The following AFF2 variants were observed in gnomAD, a reference collection of about 807,000 sequenced individuals.
AFF2 encodes AF4/FMR2 family member 2.
Under a neutral mutation model 76.9 loss-of-function variants are expected in AFF2, and 14 were observed. The observed-to-expected ratio is 0.18, with a 90% confidence interval of 0.12 to 0.28. The LOEUF is 0.28. AFF2 is among the 10% of genes least tolerant of loss of function. The probability of loss-of-function intolerance (pLI) is 1.00; values close to 1 mark genes in which losing one functional copy is unlikely to be tolerated. For synonymous variants in AFF2, 398 were observed against 366.7 expected, an observed-to-expected ratio of 1.09 and a Z score of -0.98; for missense variants, 868 against 1,001.1, an observed-to-expected ratio of 0.87 and a Z score of 1.79.
At position 148,991,464 on chromosome X, in the gene AFF2, A is replaced by G. The variant is rs1557292280; in HGVS notation, c.*132A>G. ...TGTTTGTTTTTATGCTTCTTTTGTTATCTGTAAAAAACAGAAGTCATTGTA... is the reference window on the plus strand; with the variant it reads ...TGTTTGTTTTTATGCTTCTTTTGTTGTCTGTAAAAAACAGAAGTCATTGTA... On this transcript the variant is annotated 3_prime_UTR_variant, in exon 21 of 21. Coordinates refer to ENST00000370460, the MANE Select transcript of AFF2 (RefSeq NM_002025.4). 4.9e-6 allele frequency: 4 copies of G among 809,390 alleles called. No individual in the cohort carries two copies. In the African/African-American group the frequency reaches 6.3e-5, roughly 13 times the overall value. The allele number at this position is 809,390 out of a possible 1,213,427, so 66.7% of individuals were successfully genotyped here.
intron 3 of AFF2, among the ~76,000 whole-genome samples, chrX:148,708,646 G>A (rs971642456): frequency 3.6e-5 from 4 of 112,048 alleles, no homozygotes; most frequent in African/African-American, 1.3e-4. Flanking sequence ...CCTGGGAGGC[G>A]GAGGTTGCAG....
intron 4 of AFF2, 27 bp from the exon 5 acceptor site, chrX:148,837,620 T>TAA: frequency 1.0e-6 from 1 of 980,192 alleles, no homozygotes; most frequent in Non-Finnish European, 1.5e-6. Flanking sequence ...TGCCCTGAAA[T>TAA]AAAGTTTCTT....
rs1264335209 is a variant in AFF2, at chrX:148,956,539, G to T, written c.2494G>T (p.Ala832Ser). ...TGCCAAGCCAGACCACAAGGAGACT[G>T]CCACAAAACCCAAGCGTCAGACAGC... ...APAKPDHKETATKPKRQTAVT... is the reference protein window; with the variant it reads ...APAKPDHKETSTKPKRQTAVT... The change falls in exon 11 of 21, where the codon GCC becomes TCC. Residue 832 changes from alanine to serine, a missense_variant. Transcript: ENST00000370460. 1.2e-5 allele frequency: 15 copies of T among 1,210,371 alleles called. No individual in the cohort carries two copies. The highest frequency in any genetic ancestry group is 1.7e-5 in the African/African-American group (1 of 57,301).
chrX:148,784,439 G>T (rs2069786904), intron 3 of AFF2, among the ~76,000 whole-genome samples: 2 of 111,797 alleles, frequency 1.8e-5, no homozygotes, highest in African/African-American at 3.3e-5. Context: ...GGAAGTTGGG[G>T]ATACTCTGGA....
At chrX:148,737,090 C>T (rs1557265159) in intron 3 of AFF2, among the ~76,000 whole-genome samples, 7 of 111,422 alleles carry the variant, frequency 6.3e-5, no homozygotes. Context: ...CTTGCGTTGG[C>T]TGTGCAGGCT....
At chrX:148,853,162 CAAAAT>C (rs1466714642) in intron 7 of AFF2, among the ~76,000 whole-genome samples, 5 of 111,700 alleles carry the variant, frequency 4.5e-5, no homozygotes, top group Admixed American at 3.8e-4. Context: ...GGAAAAATAA[CAAAAT>C]AATCTTAATA....
chrX:148,769,244 C>T (rs782264181), intron 3 of AFF2, among the ~76,000 whole-genome samples: 1 of 111,616 alleles, frequency 9.0e-6, no homozygotes, highest in Non-Finnish European at 1.9e-5. Context: ...TTTGGACTTG[C>T]TTTGTGGAAG....
intron 1 of AFF2, among the ~76,000 whole-genome samples, chrX:148,615,156 T>C (rs1006524373): frequency 9.0e-6 from 1 of 111,265 alleles, no homozygotes; most frequent in African/African-American, 3.3e-5. Flanking sequence ...CTCCTGTGAC[T>C]TCCATACTAG....
chrX:148,923,760 C>T (rs192086261), intron 9 of AFF2, among the ~76,000 whole-genome samples: 88 of 111,962 alleles, frequency 7.9e-4, no homozygotes, highest in African/African-American at 2.7e-3. Flanking sequence ...GAGTTTTATT[C>T]TCTGTGAGGG....
chrX:148,848,414 A>G (rs2070693687), intron 7 of AFF2, among the ~76,000 whole-genome samples: 1 of 112,261 alleles, frequency 8.9e-6, no homozygotes, highest in Admixed American at 9.4e-5. Flanking sequence ...AAAACAATTG[A>G]TATTCATTAC....
In AFF2 at chrX:148,672,348, A is replaced by T. The variant is rs782325836; in HGVS notation, c.1041+9580A>T. On this transcript the variant is annotated intron_variant, in intron 3 of 20. Coordinates refer to ENST00000370460, the MANE Select transcript of AFF2 (RefSeq NM_002025.4). ...TATGTCTTATCTTGATCCAGTTCTA[A>T]TGGGGTCTGGAATTATCATAATTTT... Among the ~76,000 whole-genome samples, 4 of 112,046 alleles carry T rather than the reference A, an allele frequency of 3.6e-5. No individual in the cohort carries two copies. In the East Asian group the frequency reaches 1.1e-3, roughly 31 times the overall value.
At chrX:148,719,672 T>C (rs2055068795) in intron 3 of AFF2, among the ~76,000 whole-genome samples, 1 of 111,834 alleles carries the variant, frequency 8.9e-6, no homozygotes, top group African/African-American at 3.2e-5. Context: ...CAAACAACGA[T>C]AACAAAACAG....
chrX:148,845,120 T>TAC (rs1463131629), intron 7 of AFF2, among the ~76,000 whole-genome samples: 10,508 of 39,390 alleles, frequency 0.27, 1,300 homozygotes, highest in African/African-American at 0.39. Flanking sequence ...CACATACACA[T>TAC]ACACACACAC....
At chrX:148,681,610 GAAGA>G (rs370085084) in intron 3 of AFF2, among the ~76,000 whole-genome samples, 5,650 of 95,582 alleles carry the variant, frequency 0.059, 365 homozygotes, top group African/African-American at 0.17. Flanking sequence ...AGAAAGGAAA[GAAGA>G]AAGAAAGAAA....
At chrX:148,644,852 C>A (rs2054128710) in intron 1 of AFF2, among the ~76,000 whole-genome samples, 1 of 111,394 alleles carries the variant, frequency 9.0e-6, no homozygotes, top group Non-Finnish European at 1.9e-5. Flanking sequence ...ACTGTGAGAT[C>A]CAGATGCAGT....
At chrX:148,671,273 T>C (rs1281172648) in intron 3 of AFF2, among the ~76,000 whole-genome samples, 3 of 112,424 alleles carry the variant, frequency 2.7e-5, no homozygotes, top group African/African-American at 9.7e-5. Context: ...TCTGTCATCA[T>C]TATTAATAAT....
rs1461704389 is a variant in AFF2 at position 148,939,994 on chromosome X, AC to A, written c.1398-13584del. ...GTGAAAGGGAACATTTTGGCATATA[AC>A]CTTTCTGGAAAATATCTCTCTGCCA... On this transcript the variant is annotated intron_variant, in intron 9 of 20. Transcript: ENST00000370460. Among the ~76,000 whole-genome samples, 3 of 111,958 alleles carry A rather than the reference AC, an allele frequency of 2.7e-5. 1 individual carries two copies. Among genetic ancestry groups the A allele is most frequent in the African/African-American group, 9.7e-5 (3 of 30,827 alleles).
intron 9 of AFF2, among the ~76,000 whole-genome samples, chrX:148,949,626 G>A (rs1254484517): frequency 1.8e-5 from 2 of 112,671 alleles, no homozygotes; most frequent in African/African-American, 6.5e-5. Context: ...TCTTTGAGAA[G>A]GTTGAGCAGT....
rs552742252 is a variant in AFF2, at chrX:148,889,550, G to A, written c.1359+3565G>A. Among the ~76,000 whole-genome samples, 10 of 112,313 alleles carry A rather than the reference G, an allele frequency of 8.9e-5. No homozygotes were observed. In the South Asian group the frequency reaches 3.7e-3, roughly 42 times the overall value. On this transcript the variant is annotated intron_variant, in intron 8 of 20. Transcript: ENST00000370460. ...AAGTCAGAGATATGTAATCACACAT[G>A]TACATGGCTTCAATGAAGACACGAT...
Sources: gnomAD v4.1 joint callset for allele counts (sites outside exome capture counted in the v4.1 genomes callset) on GRCh38, gnomAD v4.1.1 for gene constraint, MANE v1.5 for transcripts, NCBI Gene and HGNC (gene_info 2026-07-23, HGNC 2026-07-21) for gene names.